The following GCFC2 variants were observed in gnomAD, a reference collection of about 807,000 sequenced individuals.
The protein encoded by GCFC2 is GC-rich sequence DNA-binding factor 2.
GCFC2 carries 102 observed loss-of-function variants against 99.4 expected under a neutral mutation model. The observed-to-expected ratio is 1.03, with a 90% CI of 0.87 to 1.21. The LOEUF (loss-of-function observed/expected upper bound fraction) is 1.21, where lower values mean the gene tolerates loss of function less well. Among genes scored for constraint, GCFC2 ranks in the 50% most tolerant of loss-of-function variants. GCFC2 has a pLI of 0.00. For synonymous variants in GCFC2, 338 were observed against 316.8 expected, an observed-to-expected ratio of 1.07 and a Z score of -0.71; for missense variants, 973 against 920.9, an observed-to-expected ratio of 1.06 and a Z score of -0.73.
At chr2:75,688,063 C>T (rs936010392) in intron 10 of GCFC2, 86 bp from the exon 11 acceptor site, 3 of 794,552 alleles carry the variant, frequency 3.8e-6, no homozygotes, top group Non-Finnish European at 5.9e-6. Context: ...CAATAATCAC[C>T]AGAGCTTTTC....
chr2:75,694,490 T>G (rs903262345), intron 5 of GCFC2, 63 bp from the exon 6 acceptor site: 2 of 621,576 alleles, frequency 3.2e-6, no homozygotes, highest in African/African-American at 3.8e-5. Context: ...CAATCTAATG[T>G]AAATATTTTC....
chr2:75,675,242 T>C (rs1679281563), intron 12 of GCFC2, among the ~76,000 whole-genome samples: 1 of 152,214 alleles, frequency 6.6e-6, no homozygotes, highest in Non-Finnish European at 1.5e-5. Context: ...TATCCTTGTC[T>C]TAACAAATAT....
chr2:75,683,718 C>A lies in GCFC2; in HGVS notation c.1691-3404G>T, dbSNP rs1215057451. Among the ~76,000 whole-genome samples, 3 of 127,414 alleles carry A rather than the reference C, an allele frequency of 2.4e-5. No homozygotes were observed. In the Admixed American group the frequency reaches 2.8e-4, roughly 12 times the overall value. The allele number at this position is 127,414 out of a possible 152,430, so 83.6% of individuals were successfully genotyped here. ...GAGACCCATCTCATGTAAAGAGACA[C>A]ACACTGGCTCAAAATAAAGGGATGG... On this transcript the variant is annotated intron_variant, in intron 11 of 16. Transcript: ENST00000321027.
At position 75,664,562 on chromosome 2, in the gene GCFC2, C is replaced by T. The variant is rs1296350764; in HGVS notation, c.*104G>A. 3 of 594,844 alleles carry T rather than the reference C, an allele frequency of 5.0e-6. No individual in the cohort carries two copies. The highest frequency in any genetic ancestry group is 8.9e-6 in the Non-Finnish European group (3 of 335,902). The allele number at this position is 594,844 out of a possible 1,614,324, so 36.8% of individuals were successfully genotyped here. On this transcript the variant is annotated 3_prime_UTR_variant, in exon 17 of 17. Transcript: ENST00000321027. ...AGTCCTGCTTTTTTTCAAATCCTAC[C>T]TTCTATTACAGGGAATAAAGAAGAG...
At position 75,694,384 on chromosome 2, in the gene GCFC2, A is replaced by G. The variant is rs1680213911; in HGVS notation, c.877T>C (p.Tyr293His). Residue 293 changes from tyrosine to histidine, a missense_variant, in exon 6 of 17, where the codon TAT becomes CAT. By Grantham distance (83) the Tyr-to-His change is moderately conservative. Transcript: ENST00000321027. Reference sequence around the variant, plus strand: ...TTGACATCTTGTACGTATTTTTCATACTCCCTCAGGTGTGAGCGGTGAGTT... The same window carrying G: ...TTGACATCTTGTACGTATTTTTCATGCTCCCTCAGGTGTGAGCGGTGAGTT... ...QETHRSHLRE[Y>H]EKYVQDVKSS... 6.5e-7 allele frequency: 1 copy of G among 1,531,350 alleles called. No homozygotes were observed. Among genetic ancestry groups the G allele is most frequent in the Non-Finnish European group, 8.9e-7 (1 of 1,125,434 alleles). The allele number at this position is 1,531,350 out of a possible 1,614,324, so 94.9% of individuals were successfully genotyped here.
intron 11 of GCFC2, 77 bp downstream of exon 11, chr2:75,687,750 T>C (rs1679882525): frequency 1.8e-6 from 2 of 1,122,818 alleles, no homozygotes; most frequent in South Asian, 2.8e-5. Context: ...AAAAACTTTG[T>C]GAATATAACA....
At chr2:75,688,088 G>T (rs1053570474) in intron 10 of GCFC2, 111 bp from the exon 11 acceptor site, 72 of 660,332 alleles carry the variant, frequency 1.1e-4, no homozygotes, top group Non-Finnish European at 1.4e-4. Flanking sequence ...GATCAGAAGA[G>T]ATTAATTCCC....
Position 75,674,602 on chromosome 2 carries a change from A to G in GCFC2, c.1813-1082T>C, listed in dbSNP as rs370114625. Reference sequence around the variant, plus strand: ...TTTTTTTCATATATTAGCAATATTTATATTATTTATATAATGATATTCTTA... The same window carrying G: ...TTTTTTTCATATATTAGCAATATTTGTATTATTTATATAATGATATTCTTA... On this transcript the variant is annotated intron_variant, in intron 12 of 16. Coordinates refer to ENST00000321027, the MANE Select transcript of GCFC2 (RefSeq NM_003203.5). 2.1e-3 allele frequency among the ~76,000 whole-genome samples: 320 copies of G among 152,118 alleles called. 2 individuals are homozygous for G. The highest frequency in any genetic ancestry group is 4.6e-3 in the South Asian group (22 of 4,828).
chr2:75,685,855 C>G (rs1011892592), intron 11 of GCFC2, among the ~76,000 whole-genome samples: 3 of 152,116 alleles, frequency 2.0e-5, no homozygotes, highest in Non-Finnish European at 2.9e-5. Context: ...GCTAATACAG[C>G]TCCCCACATT....
At chr2:75,674,984 A>G (rs1336016065) in intron 12 of GCFC2, among the ~76,000 whole-genome samples, 1 of 152,182 alleles carries the variant, frequency 6.6e-6, no homozygotes, top group African/African-American at 2.4e-5. Context: ...GAGTTTATGT[A>G]ACTTACTGAG....
chr2:75,667,235 T>C (rs1678884204), intron 15 of GCFC2, among the ~76,000 whole-genome samples: 1 of 152,296 alleles, frequency 6.6e-6, no homozygotes, highest in South Asian at 2.1e-4. Context: ...ATTAACGTTA[T>C]AGTAACGGGT....
rs562466490 is a variant in GCFC2, at chr2:75,690,986, C to G, written c.1145-267G>C. On this transcript the variant is annotated intron_variant, in intron 7 of 16. Coordinates refer to ENST00000321027, the MANE Select transcript of GCFC2 (RefSeq NM_003203.5). ...TGAGAACAGCAACAAAGTTCTACCACAAAGTTTCGTTTTCTCATATTCTTT... is the reference window on the plus strand; with the variant it reads ...TGAGAACAGCAACAAAGTTCTACCAGAAAGTTTCGTTTTCTCATATTCTTT... 1.7e-5 allele frequency: 5 copies of G among 290,460 alleles called. No homozygotes were observed. In the South Asian group the frequency reaches 2.8e-4, roughly 16 times the overall value. 18.0% of individuals were successfully genotyped at this position (290,460 alleles called of 1,614,324 possible). A position where few individuals can be genotyped will look rare whatever the true frequency, so the allele number is the denominator to read the frequency against.
intron 12 of GCFC2, among the ~76,000 whole-genome samples, chr2:75,673,937 A>G (rs560642513): frequency 6.6e-6 from 1 of 152,370 alleles, no homozygotes; most frequent in Non-Finnish European, 1.5e-5. Flanking sequence ...TTTCTAGAAT[A>G]GTGGCATCCC....
intron 11 of GCFC2, among the ~76,000 whole-genome samples, chr2:75,686,823 G>A (rs993903666): frequency 4.6e-5 from 7 of 152,140 alleles, no homozygotes; most frequent in Non-Finnish European, 1.0e-4. Flanking sequence ...ATAGTGAAAC[G>A]GATCCTTATC....
rs1351368792 is a variant in GCFC2, at chr2:75,694,340, G to C, written c.921C>G (p.Ile307Met). The change falls in exon 6 of 17, where the codon ATC becomes ATG. Residue 307 changes from isoleucine (I) to methionine (M), a missense_variant. Physicochemically the swap from Ile to Met is conservative, Grantham distance 10 (BLOSUM62 1). Coordinates refer to ENST00000321027, the MANE Select transcript of GCFC2 (RefSeq NM_003203.5). Reference protein sequence around the residue: ...VQDVKSSKSTIQNLESSSNQA... With the variant: ...VQDVKSSKSTMQNLESSSNQA... Reference sequence around the variant, plus strand: ...GATTTGATGAACTCTCTAGGTTCTGGATGGTACTCTTTGAGCTTTTGACAT... The same window carrying C: ...GATTTGATGAACTCTCTAGGTTCTGCATGGTACTCTTTGAGCTTTTGACAT... 2 of 1,477,680 alleles carry C rather than the reference G, an allele frequency of 1.4e-6. No individual in the cohort carries two copies. The highest frequency in any genetic ancestry group is 1.4e-5 in the African/African-American group (1 of 72,060). 91.5% of individuals were successfully genotyped at this position (1,477,680 alleles called of 1,614,324 possible). A position where few individuals can be genotyped will look rare whatever the true frequency, so the allele number is the denominator to read the frequency against.
intron 3 of GCFC2, 130 bp downstream of exon 3, chr2:75,702,069 C>T: frequency 6.9e-7 from 1 of 1,453,936 alleles, no homozygotes; most frequent in Non-Finnish European, 9.0e-7. Context: ...TATCATGGAC[C>T]AAATCGATGT....
At chr2:75,705,797 A>G (rs1272493172) in intron 2 of GCFC2, among the ~76,000 whole-genome samples, 1 of 152,180 alleles carries the variant, frequency 6.6e-6, no homozygotes, top group African/African-American at 2.4e-5. Flanking sequence ...AGTCCACGGC[A>G]CAAAACAAGT....
intron 15 of GCFC2, among the ~76,000 whole-genome samples, chr2:75,669,002 C>T (rs1022679698): frequency 1.3e-5 from 2 of 152,160 alleles, no homozygotes; most frequent in Non-Finnish European, 2.9e-5. Flanking sequence ...AAAATAACAA[C>T]GCCAAAAAAT....
intron 16 of GCFC2, 81 bp downstream of exon 16, chr2:75,665,848 T>C: frequency 2.3e-6 from 2 of 869,662 alleles, no homozygotes; most frequent in Non-Finnish European, 3.3e-6. Context: ...ACAGTAAAAA[T>C]ACAAATCTTT....
Sources: gnomAD v4.1 joint callset for allele counts (sites outside exome capture counted in the v4.1 genomes callset) on GRCh38, gnomAD v4.1.1 for gene constraint, MANE v1.5 for transcripts, NCBI Gene and HGNC (gene_info 2026-07-23, HGNC 2026-07-21) for gene names.